Variants in GALNTL6 observed in about 807,000 individuals in gnomAD.
The protein encoded by GALNTL6 is polypeptide N-acetylgalactosaminyltransferase like 6, also known as polypeptide N-acetylgalactosaminyltransferase-like 6.
In GALNTL6, 46 loss-of-function variants were observed where a neutral mutation model predicts 73.7. The observed-to-expected ratio is 0.62, with a 90% CI of 0.49 to 0.80. The LOEUF is 0.80. GALNTL6 is among the 30% of genes least tolerant of loss of function. The probability of loss-of-function intolerance (pLI) is 0.00; values close to 1 mark genes in which losing one functional copy is unlikely to be tolerated. For synonymous variants in GALNTL6, 259 were observed against 263.7 expected (o/e 0.98, Z 0.17); for missense variants, 604 against 755.0 (o/e 0.80, Z 2.34).
intron 2 of GALNTL6, among the ~76,000 whole-genome samples, chr4:172,045,785 AAAACT>A (rs1264644097): frequency 6.6e-6 from 1 of 151,874 alleles, no homozygotes; most frequent in Admixed American, 6.6e-5. Flanking sequence ...AGAAAAAAGA[AAAACT>A]AAACAAATTC....
At chr4:172,602,445 G>T (rs764332477) in intron 5 of GALNTL6, among the ~76,000 whole-genome samples, 1 of 151,938 alleles carries the variant, frequency 6.6e-6, no homozygotes, top group East Asian at 1.9e-4. Flanking sequence ...AAAATATACT[G>T]TTATAAATGT....
At chr4:171,914,890 G>A (rs1262067881) in intron 2 of GALNTL6, among the ~76,000 whole-genome samples, 1 of 151,256 alleles carries the variant, frequency 6.6e-6, no homozygotes, top group Non-Finnish European at 1.5e-5. Context: ...ATTTTAAGCT[G>A]GTAATCTGAA....
At chr4:172,455,858 G>A (rs567321326) in intron 5 of GALNTL6, among the ~76,000 whole-genome samples, 7 of 152,196 alleles carry the variant, frequency 4.6e-5, no homozygotes, top group Non-Finnish European at 8.8e-5. Context: ...CTAAGGGACA[G>A]ACTGCCTCCT....
At chr4:172,906,194 T>C (rs1746883635) in intron 8 of GALNTL6, among the ~76,000 whole-genome samples, 1 of 151,798 alleles carries the variant, frequency 6.6e-6, no homozygotes. Flanking sequence ...TATAGATAGA[T>C]GTGGAGACAG....
At chr4:172,240,256 C>G (rs576830419) in intron 3 of GALNTL6, among the ~76,000 whole-genome samples, 21 of 152,252 alleles carry the variant, frequency 1.4e-4, no homozygotes, top group African/African-American at 4.8e-4. Flanking sequence ...TGGGATCTCA[C>G]TCTGTCGCCC....
chr4:171,910,054 A>C (rs1737426825), intron 2 of GALNTL6, among the ~76,000 whole-genome samples: 2 of 152,188 alleles, frequency 1.3e-5, no homozygotes, highest in African/African-American at 4.8e-5. Context: ...AAGCTTTATT[A>C]TAAGTCAATT....
chr4:172,312,331 A>G (rs529280873), intron 4 of GALNTL6, among the ~76,000 whole-genome samples: 2 of 152,308 alleles, frequency 1.3e-5, no homozygotes, highest in South Asian at 2.1e-4. Context: ...AAATGATACT[A>G]CTATATATAC....
chr4:172,438,553 T>C (rs775808715), intron 5 of GALNTL6, among the ~76,000 whole-genome samples: 4 of 152,114 alleles, frequency 2.6e-5, no homozygotes, highest in Non-Finnish European at 4.4e-5. Context: ...TCAACCGTTA[T>C]GACCTTCCCT....
intron 2 of GALNTL6, among the ~76,000 whole-genome samples, chr4:172,045,149 GA>G (rs1742182991): frequency 6.6e-6 from 1 of 151,876 alleles, no homozygotes; most frequent in Non-Finnish European, 1.5e-5. Context: ...TTCAGTGTTT[GA>G]TTAGAATATG....
chr4:172,399,388 A>C (rs958223755), intron 5 of GALNTL6, among the ~76,000 whole-genome samples: 10 of 152,018 alleles, frequency 6.6e-5, no homozygotes, highest in African/African-American at 2.4e-4. Context: ...AACTATATGC[A>C]GAGTAAACAG....
chr4:172,755,272 A>AG (rs1553984931), intron 5 of GALNTL6, among the ~76,000 whole-genome samples: 2 of 149,106 alleles, frequency 1.3e-5, no homozygotes, highest in African/African-American at 5.0e-5. Flanking sequence ...ATAGATAGAT[A>AG]ATTGATAAAT....
At chr4:172,374,541 G>A (rs1742954533) in intron 5 of GALNTL6, among the ~76,000 whole-genome samples, 1 of 152,158 alleles carries the variant, frequency 6.6e-6, no homozygotes, top group Admixed American at 6.5e-5. Context: ...TCCTTTCCCT[G>A]AGTTATGGTA....
rs1187583122 is a variant in GALNTL6 at position 173,021,626 on chromosome 4, G to T, written c.1638+1G>T. Reference sequence around the variant, plus strand: ...GAACCAGCTCTGGGGATACCGGAAGGTAAGAGTCAGTCCACTGTGGTCATT... The same window carrying T: ...GAACCAGCTCTGGGGATACCGGAAGTTAAGAGTCAGTCCACTGTGGTCATT... On this transcript the variant is annotated splice_donor_variant, in intron 12 of 12. Coordinates refer to ENST00000506823, the MANE Select transcript of GALNTL6 (RefSeq NM_001034845.3). LOFTEE classifies it high-confidence loss of function. The T allele has an allele frequency of 4.3e-6, 7 of 1,613,866 alleles. No homozygotes were observed. The highest frequency in any genetic ancestry group is 1.1e-5 in the South Asian group (1 of 91,042).
intron 7 of GALNTL6, among the ~76,000 whole-genome samples, chr4:172,829,149 A>C (rs1742478314): frequency 6.6e-6 from 1 of 152,228 alleles, no homozygotes; most frequent in Non-Finnish European, 1.5e-5. Flanking sequence ...ACACAGGACA[A>C]AGGCATGCAA....
chr4:172,397,585 A>ATTTG (rs1743894712), intron 5 of GALNTL6, among the ~76,000 whole-genome samples: 1 of 151,046 alleles, frequency 6.6e-6, no homozygotes, highest in East Asian at 1.9e-4. Context: ...TTATTTATTT[A>ATTTG]TTTATTTATT....
intron 2 of GALNTL6, among the ~76,000 whole-genome samples, chr4:171,827,618 A>G (rs1256618297): frequency 6.6e-6 from 1 of 152,156 alleles, no homozygotes; most frequent in Admixed American, 6.6e-5. Flanking sequence ...CTAGAAACAG[A>G]TATTTGAAAT....
At chr4:171,828,133 G>A (rs1734873630) in intron 2 of GALNTL6, among the ~76,000 whole-genome samples, 1 of 152,144 alleles carries the variant, frequency 6.6e-6, no homozygotes, top group Non-Finnish European at 1.5e-5. Flanking sequence ...TAAAGATGCA[G>A]TATTGGGTTA....
chr4:172,305,601 T>C (rs1420391837), intron 3 of GALNTL6, among the ~76,000 whole-genome samples: 2 of 152,196 alleles, frequency 1.3e-5, no homozygotes, highest in Non-Finnish European at 2.9e-5. Context: ...TTTTTTTGTT[T>C]AGAGTCTTCT....
At chr4:172,538,106 A>G (rs1309734049) in intron 5 of GALNTL6, among the ~76,000 whole-genome samples, 3 of 152,170 alleles carry the variant, frequency 2.0e-5, no homozygotes, top group African/African-American at 7.2e-5. Context: ...AGAAATGATT[A>G]AGATTTCATC....
Sources: allele counts gnomAD v4.1 joint callset (sites outside exome capture counted in the v4.1 genomes callset), GRCh38; gene constraint gnomAD v4.1.1; transcripts MANE v1.5; gene names NCBI Gene and HGNC (gene_info 2026-07-23, HGNC 2026-07-21).